Variants in ATP2B2 observed in about 807,000 individuals in gnomAD.
ATP2B2 encodes the protein plasma membrane calcium-transporting ATPase 2.
In ATP2B2, 15 loss-of-function variants were observed where a neutral mutation model predicts 120.0. The observed-to-expected ratio is 0.12, with a 90% CI of 0.08 to 0.19. The LOEUF (loss-of-function observed/expected upper bound fraction) is 0.19. Ranked by LOEUF, ATP2B2 falls within the 10% of genes least tolerant of loss-of-function variation. The pLI is 1.00. For missense variants in ATP2B2, 1,045 were observed against 1,719.8 expected (o/e 0.61, Z 6.94); for synonymous variants, 694 against 700.3 (o/e 0.99, Z 0.14).
In ATP2B2 at chr3:10,439,694, A is replaced by C. The variant is rs368242459; in HGVS notation, c.199+9651T>G. 6.6e-5 allele frequency among the ~76,000 whole-genome samples: 10 copies of C among 152,056 alleles called. 1 individual carries two copies. The highest frequency in any genetic ancestry group is 4.6e-4 in the Admixed American group (7 of 15,266). ...TTTTTCTTTTTTTCAACACTTTGTTAAAAAACCAAAGTCTTCAAAGCATTT... is the reference window on the plus strand; with the variant it reads ...TTTTTCTTTTTTTCAACACTTTGTTCAAAAACCAAAGTCTTCAAAGCATTT... On this transcript the variant is annotated intron_variant, in intron 2 of 22. Coordinates refer to ENST00000360273, the MANE Select transcript of ATP2B2 (RefSeq NM_001001331.4).
intron 6 of ATP2B2, 194 bp downstream of exon 6, chr3:10,388,083 G>T: frequency 1.4e-6 from 1 of 729,880 alleles, no homozygotes; most frequent in Non-Finnish European, 2.3e-6. Flanking sequence ...GACAGAGACT[G>T]GGACAAGACC....
chr3:10,536,826 C>A (rs900694748), intron 2 of ATP2B2, among the ~76,000 whole-genome samples: 1 of 152,220 alleles, frequency 6.6e-6, no homozygotes, highest in Non-Finnish European at 1.5e-5. Context: ...CCACACCCAG[C>A]CTCTTACTTT....
At chr3:10,590,410 T>C (rs1444080699) in intron 2 of ATP2B2, among the ~76,000 whole-genome samples, 1 of 152,240 alleles carries the variant, frequency 6.6e-6, no homozygotes, top group Non-Finnish European at 1.5e-5. Flanking sequence ...TGTTTTACTG[T>C]ATGAAAATTA....
At chr3:10,684,721 T>C (rs2071474773) in intron 1 of ATP2B2, among the ~76,000 whole-genome samples, 1 of 152,172 alleles carries the variant, frequency 6.6e-6, no homozygotes, top group Admixed American at 6.5e-5. Context: ...GTCCAGCTCT[T>C]AGGAGCAGGT....
chr3:10,330,589 T>C (rs896235095), intron 22 of ATP2B2, among the ~76,000 whole-genome samples: 11 of 152,248 alleles, frequency 7.2e-5, no homozygotes, highest in Non-Finnish European at 1.5e-4. Context: ...GGCTGCTGTG[T>C]GCAGGCCAAG....
intron 1 of ATP2B2, among the ~76,000 whole-genome samples, chr3:10,623,756 A>T (rs2069615159): frequency 6.6e-6 from 1 of 152,156 alleles, no homozygotes; most frequent in Non-Finnish European, 1.5e-5. Context: ...CAGGATTTCC[A>T]CAAGTTCTGC....
intron 1 of ATP2B2, among the ~76,000 whole-genome samples, chr3:10,690,451 T>C (rs550000885): frequency 2.0e-5 from 3 of 152,126 alleles, no homozygotes; most frequent in African/African-American, 7.2e-5. Flanking sequence ...TATCTATCTA[T>C]CTATCTATCT....
chr3:10,674,698 T>C (rs1054605061), intron 1 of ATP2B2, among the ~76,000 whole-genome samples: 1 of 152,236 alleles, frequency 6.6e-6, no homozygotes, highest in Non-Finnish European at 1.5e-5. Context: ...TTTCCTCTCA[T>C]TTGTGCCCTC....
intron 2 of ATP2B2, among the ~76,000 whole-genome samples, chr3:10,615,356 G>T (rs933484503): frequency 3.3e-5 from 5 of 152,190 alleles, no homozygotes; most frequent in African/African-American, 1.2e-4. Context: ...ATGTCCCCAG[G>T]AGTAGATAGA....
chr3:10,572,479 C>T (rs2068149877), intron 2 of ATP2B2, among the ~76,000 whole-genome samples: 1 of 152,160 alleles, frequency 6.6e-6, no homozygotes, highest in African/African-American at 2.4e-5. Context: ...CTGAACCACA[C>T]ACTTATAAAT....
intron 1 of ATP2B2, among the ~76,000 whole-genome samples, chr3:10,666,797 C>G (rs2070950541): frequency 6.6e-6 from 1 of 152,170 alleles, no homozygotes; most frequent in Non-Finnish European, 1.5e-5. Flanking sequence ...GCACGAAGCC[C>G]CGCCCTGAGA....
At chr3:10,457,569 T>A (rs993392143) in intron 1 of ATP2B2, among the ~76,000 whole-genome samples, 1 of 150,558 alleles carries the variant, frequency 6.6e-6, no homozygotes, top group Non-Finnish European at 1.5e-5. Flanking sequence ...TGTGTGTGTG[T>A]GAGAGAGAGA....
At position 10,613,099 on chromosome 3, in the gene ATP2B2, T is replaced by C. The variant is rs77621198; in HGVS notation, c.-415+6818A>G. ...ATGGCTGATGATTCAGTCAATCATG[T>C]CTATGTGATGAGGCTCTAATAAAAA... On this transcript the variant is annotated intron_variant, in intron 2 of 21. Transcript: ENST00000646379. Among the ~76,000 whole-genome samples the C allele has an allele frequency of 1.5e-3, 222 of 152,262 alleles. 1 individual carries two copies. The highest frequency in any genetic ancestry group is 5.1e-3 in the African/African-American group (211 of 41,548).
intron 2 of ATP2B2, among the ~76,000 whole-genome samples, chr3:10,554,572 C>T (rs550916518): frequency 1.3e-5 from 2 of 152,196 alleles, no homozygotes; most frequent in Non-Finnish European, 2.9e-5. Context: ...AGATTCTTCT[C>T]CCCCGCAGCC....
In ATP2B2 at chr3:10,344,960, G is replaced by T. The variant is rs573220920; in HGVS notation, c.2703+424C>A. 2.6e-5 allele frequency among the ~76,000 whole-genome samples: 4 copies of T among 152,166 alleles called. No homozygotes were observed. The East Asian group carries it at 7.7e-4, about 29-fold the overall frequency. On this transcript the variant is annotated intron_variant, in intron 18 of 22. Coordinates refer to ENST00000360273, the MANE Select transcript of ATP2B2 (RefSeq NM_001001331.4). ...ACTCCACACTCCAGTCCAGAGCCAGGGCCCCAGGGCCCCCACTGGCTCTTT... is the reference window on the plus strand; with the variant it reads ...ACTCCACACTCCAGTCCAGAGCCAGTGCCCCAGGGCCCCCACTGGCTCTTT...
At chr3:10,450,972 G>GGCC (rs2064024217) in intron 1 of ATP2B2, among the ~76,000 whole-genome samples, 1 of 152,180 alleles carries the variant, frequency 6.6e-6, no homozygotes, top group Non-Finnish European at 1.5e-5. Context: ...CCAGGACGGT[G>GGCC]AGGGGAAGGG....
chr3:10,487,047 T>C (rs528755768), intron 1 of ATP2B2, among the ~76,000 whole-genome samples: 6 of 152,312 alleles, frequency 3.9e-5, no homozygotes, highest in East Asian at 3.9e-4. Context: ...ATTATTAATC[T>C]TAGTTATTAA....
At chr3:10,551,290 C>T (rs972749107) in intron 2 of ATP2B2, among the ~76,000 whole-genome samples, 3 of 152,164 alleles carry the variant, frequency 2.0e-5, no homozygotes, top group South Asian at 4.1e-4. Context: ...AGATGAGAGA[C>T]GCAGCCTGCA....
chr3:10,649,758 G>A (rs7355888), intron 1 of ATP2B2, among the ~76,000 whole-genome samples: 46,660 of 152,036 alleles, frequency 0.31, 10,694 homozygotes, highest in African/African-American at 0.64. Context: ...TCATGGGGGC[G>A]GGTGTTTTCC....
Sources: gnomAD v4.1 joint callset for allele counts (sites outside exome capture counted in the v4.1 genomes callset) on GRCh38, gnomAD v4.1.1 for gene constraint, MANE v1.5 for transcripts, NCBI Gene and HGNC (gene_info 2026-07-23, HGNC 2026-07-21) for gene names.